SCAF8: variants seen among roughly 807,000 people sequenced by gnomAD.
SCAF8 encodes the protein SR-related CTD associated factor 8.
SCAF8 carries 23 observed loss-of-function variants against 140.5 expected under a neutral mutation model. The observed-to-expected ratio is 0.16, with a 90% confidence interval of 0.12 to 0.23. The LOEUF (loss-of-function observed/expected upper bound fraction) is 0.23. Ranked by LOEUF, SCAF8 falls within the 10% of genes least tolerant of loss-of-function variation. SCAF8 has a pLI of 1.00. For synonymous variants in SCAF8, 575 were observed against 528.9 expected (o/e 1.09, Z -1.20); for missense variants, 1,397 against 1,555.7 (o/e 0.90, Z 1.72).
At chr6:154,783,616 G>A (rs1777149478) in intron 3 of SCAF8, among the ~76,000 whole-genome samples, 1 of 152,160 alleles carries the variant, frequency 6.6e-6, no homozygotes. Context: ...CATCATGAAA[G>A]TTTTTTGTTT....
At chr6:154,804,094 T>C (rs1333148738) in intron 8 of SCAF8, among the ~76,000 whole-genome samples, 1 of 152,054 alleles carries the variant, frequency 6.6e-6, no homozygotes, top group Non-Finnish European at 1.5e-5. Flanking sequence ...TACTTTTTTT[T>C]CCCTAAACAA....
intron 1 of SCAF8, among the ~76,000 whole-genome samples, chr6:154,743,160 C>G (rs1020620529): frequency 6.6e-6 from 1 of 152,152 alleles, no homozygotes; most frequent in Non-Finnish European, 1.5e-5. Flanking sequence ...CAGCCTGATC[C>G]GTTCTTAGCA....
chr6:154,767,195 G>A (rs1485018298), intron 1 of SCAF8, among the ~76,000 whole-genome samples: 1 of 152,138 alleles, frequency 6.6e-6, no homozygotes, highest in African/African-American at 2.4e-5. Context: ...CCAAAAGACT[G>A]GTAGCCAGCC....
chr6:154,743,503 A>T (rs1366353291), intron 1 of SCAF8, among the ~76,000 whole-genome samples: 1 of 152,222 alleles, frequency 6.6e-6, no homozygotes, highest in Non-Finnish European at 1.5e-5. Flanking sequence ...TTTTAAAGCA[A>T]ACTTTTTTAA....
intron 1 of SCAF8, among the ~76,000 whole-genome samples, chr6:154,734,769 T>G (rs1778366092): frequency 6.6e-6 from 1 of 152,166 alleles, no homozygotes; most frequent in Non-Finnish European, 1.5e-5. Context: ...AATGTAAACA[T>G]CAAACATAGC....
At chr6:154,811,464 C>T (rs975101727) in intron 12 of SCAF8, among the ~76,000 whole-genome samples, 4 of 151,352 alleles carry the variant, frequency 2.6e-5, no homozygotes, top group Non-Finnish European at 5.9e-5. Flanking sequence ...ATGTGCTGAA[C>T]GTGCAGGTTT....
At chr6:154,750,912 A>G (rs1778821364) in intron 1 of SCAF8, among the ~76,000 whole-genome samples, 2 of 152,180 alleles carry the variant, frequency 1.3e-5, no homozygotes, top group Non-Finnish European at 2.9e-5. Context: ...TTCATTGTTA[A>G]TAGTACTATA....
chr6:154,795,700 TGTG>T (rs1485593455), intron 6 of SCAF8, among the ~76,000 whole-genome samples: 2 of 151,968 alleles, frequency 1.3e-5, no homozygotes, highest in African/African-American at 4.8e-5. Flanking sequence ...TGGGAAGCAA[TGTG>T]GTGTATTGTA....
At chr6:154,790,722 A>G (rs548454230) in intron 4 of SCAF8, among the ~76,000 whole-genome samples, 64 of 151,876 alleles carry the variant, frequency 4.2e-4, no homozygotes, top group Admixed American at 1.1e-3. Context: ...ATGTTAGCCA[A>G]GATGGTCTCG....
intron 18 of SCAF8, among the ~76,000 whole-genome samples, chr6:154,827,984 C>T (rs574770349): frequency 4.6e-5 from 7 of 152,236 alleles, no homozygotes; most frequent in South Asian, 2.1e-4. Flanking sequence ...CAGAGTGGTA[C>T]GTATATTACA....
At chr6:154,759,595 T>G (rs1036804099) in intron 1 of SCAF8, among the ~76,000 whole-genome samples, 1 of 151,862 alleles carries the variant, frequency 6.6e-6, no homozygotes, top group Non-Finnish European at 1.5e-5. Flanking sequence ...CAATAATCTT[T>G]AAAAAATTAT....
chr6:154,794,620 CAT>C (rs1777532700), intron 5 of SCAF8, among the ~76,000 whole-genome samples: 1 of 151,924 alleles, frequency 6.6e-6, no homozygotes, highest in African/African-American at 2.4e-5. Context: ...CAGAAAAAAA[CAT>C]AGCATATATA....
intron 4 of SCAF8, 34 bp from the exon 5 acceptor site, chr6:154,792,789 A>G: frequency 6.5e-7 from 1 of 1,534,634 alleles, no homozygotes; most frequent in Non-Finnish European, 8.8e-7. Context: ...TTTGAGAGTA[A>G]AAACCAAAAT....
chr6:154,811,048 T>C lies in SCAF8; in HGVS notation c.1420+840T>C, dbSNP rs74611119. ...CTATAATAAAAGGCAATAGCCATCTTCTTACTAAGTTTTGGGAGTTCTTGT... is the reference window on the plus strand; with the variant it reads ...CTATAATAAAAGGCAATAGCCATCTCCTTACTAAGTTTTGGGAGTTCTTGT... On this transcript the variant is annotated intron_variant, in intron 12 of 19. Coordinates refer to ENST00000367178, the MANE Select transcript of SCAF8 (RefSeq NM_014892.5). 7.5e-3 allele frequency among the ~76,000 whole-genome samples: 1,139 copies of C among 152,292 alleles called. 16 individuals carry two copies. Among genetic ancestry groups the C allele is most frequent in the African/African-American group, 0.026 (1,084 of 41,558 alleles).
At chr6:154,771,774 C>T (rs568921301) in intron 1 of SCAF8, among the ~76,000 whole-genome samples, 71 of 152,196 alleles carry the variant, frequency 4.7e-4, no homozygotes, top group African/African-American at 1.7e-3. Flanking sequence ...CTGTTGGGCA[C>T]TAAGCTCAGT....
At chr6:154,812,069 A>G (rs1583057936) in intron 12 of SCAF8, among the ~76,000 whole-genome samples, 1 of 152,120 alleles carries the variant, frequency 6.6e-6, no homozygotes, top group Admixed American at 6.5e-5. Context: ...TGGGCACAAC[A>G]AACAGCAAAA....
chr6:154,758,978 A>C lies in SCAF8; in HGVS notation c.31-15011A>C, dbSNP rs571426394. ...CTTTCTGTATTCTCCTAGCACTGAG[A>C]TCAAAGCTAGGAGATCATAGATGAT... On this transcript the variant is annotated intron_variant, in intron 1 of 19. Coordinates refer to ENST00000367178, the MANE Select transcript of SCAF8 (RefSeq NM_014892.5). Among the ~76,000 whole-genome samples, 86 of 152,244 alleles carry C rather than the reference A, an allele frequency of 5.6e-4. 4 individuals are homozygous for C. The South Asian group carries it at 0.017, about 30-fold the overall frequency.
intron 18 of SCAF8, 32 bp from the exon 19 acceptor site, chr6:154,830,890 A>C (rs934639003): frequency 4.4e-5 from 68 of 1,551,474 alleles, no homozygotes; most frequent in Non-Finnish European, 5.4e-5. Flanking sequence ...GACTCATTAA[A>C]TCTGAAATAT....
At position 154,808,235 on chromosome 6, in the gene SCAF8, CT is replaced by C. The variant is rs756780518; in HGVS notation, c.1113+35del. ...AAATGTTTTTCTGGGTCATAAATTTCTAAAAGTAGCTAAAGAAATCATAAAA... is the reference window on the plus strand; with the variant it reads ...AAATGTTTTTCTGGGTCATAAATTTCAAAAGTAGCTAAAGAAATCATAAAA... On this transcript the variant is annotated intron_variant, in intron 10 of 19. Transcript: ENST00000367178. The C allele has an allele frequency of 2.5e-6, 4 of 1,575,164 alleles. No individual in the cohort carries two copies. In the South Asian group the frequency reaches 4.5e-5, roughly 18 times the overall value.
Sources: gnomAD v4.1 joint callset for allele counts (sites outside exome capture counted in the v4.1 genomes callset) on GRCh38, gnomAD v4.1.1 for gene constraint, MANE v1.5 for transcripts, NCBI Gene and HGNC (gene_info 2026-07-23, HGNC 2026-07-21) for gene names.